Variants in PHTF2 observed in about 807,000 individuals in gnomAD.
PHTF2 encodes the protein putative homeodomain transcription factor 2.
Under a neutral mutation model 101.2 loss-of-function variants are expected in PHTF2, and 60 were observed. The ratio of observed to expected loss-of-function variants is 0.59; its 90% confidence interval spans 0.48 to 0.73. PHTF2 has a LOEUF of 0.73. PHTF2 is among the 30% of genes least tolerant of loss of function. The pLI, the probability that PHTF2 is intolerant of heterozygous loss-of-function variation, is 0.00. For synonymous variants in PHTF2, 311 were observed against 307.3 expected (o/e 1.01, Z -0.13); for missense variants, 747 against 908.7 (o/e 0.82, Z 2.29).
chr7:77,888,138 G>A (rs926804711), intron 3 of PHTF2, among the ~76,000 whole-genome samples: 31 of 150,928 alleles, frequency 2.1e-4, no homozygotes, highest in African/African-American at 3.2e-4. Context: ...TTTTTGAGAC[G>A]GAGTTTCACT....
intron 1 of PHTF2, among the ~76,000 whole-genome samples, chr7:77,833,502 C>G (rs1023502082): frequency 5.3e-5 from 8 of 152,118 alleles, no homozygotes; most frequent in African/African-American, 1.7e-4. Context: ...TGGCTCACAC[C>G]TGTAATCCCA....
At chr7:77,810,071 T>C (rs755024927) in intron 1 of PHTF2, among the ~76,000 whole-genome samples, 2 of 152,192 alleles carry the variant, frequency 1.3e-5, no homozygotes, top group Non-Finnish European at 2.9e-5. Flanking sequence ...TGATGTAATT[T>C]TAGATTTTAA....
At chr7:77,949,510 T>TA (rs1442468625) in intron 16 of PHTF2, among the ~76,000 whole-genome samples, 168 bp from the exon 16 acceptor site, 2 of 152,170 alleles carry the variant, frequency 1.3e-5, no homozygotes, top group Non-Finnish European at 2.9e-5. Flanking sequence ...CCATGGATAT[T>TA]AATTACCTTA....
rs140206132 is a variant in PHTF2, at chr7:77,955,607, G to A, written c.*729G>A. 135 of 152,604 alleles carry A rather than the reference G, an allele frequency of 8.8e-4. 1 individual carries two copies. Among genetic ancestry groups the A allele is most frequent in the African/African-American group, 2.9e-3 (121 of 41,518 alleles). 9.5% of individuals were successfully genotyped at this position (152,604 alleles called of 1,614,324 possible). On this transcript the variant is annotated 3_prime_UTR_variant, in exon 20 of 20. Coordinates refer to ENST00000416283, the Ensembl canonical transcript of PHTF2. ...CTCAAAATGTGCACTTTTTAAAATTGTTACTTTTAATGCGTATCTTTATAT... is the reference window on the plus strand; with the variant it reads ...CTCAAAATGTGCACTTTTTAAAATTATTACTTTTAATGCGTATCTTTATAT...
chr7:77,870,895 A>G (rs1798461516), intron 3 of PHTF2, among the ~76,000 whole-genome samples: 1 of 152,230 alleles, frequency 6.6e-6, no homozygotes, highest in African/African-American at 2.4e-5. Context: ...AAGTCAATAA[A>G]TCTTTATATC....
In PHTF2 at chr7:77,866,819, G is replaced by A. The variant is rs959613683; in HGVS notation, c.147+11985G>A. Among the ~76,000 whole-genome samples the A allele has an allele frequency of 2.0e-5, 3 of 152,266 alleles. No homozygotes were observed. The East Asian group carries it at 5.8e-4, about 29-fold the overall frequency. ...TAAACTATTAGAAATATGTAAACAA[G>A]GATGGTGCTGTAGCCTTGATTTATA... On this transcript the variant is annotated intron_variant, in intron 3 of 19. Transcript: ENST00000416283.
chr7:77,910,610 C>T (rs941365063), intron 9 of PHTF2, among the ~76,000 whole-genome samples: 23 of 151,826 alleles, frequency 1.5e-4, no homozygotes, highest in Admixed American at 8.5e-4. Flanking sequence ...TACATCTATA[C>T]GAGAATGAAT....
chr7:77,808,075 T>C (rs976270505), intron 1 of PHTF2, among the ~76,000 whole-genome samples: 3 of 152,216 alleles, frequency 2.0e-5, no homozygotes, highest in Non-Finnish European at 2.9e-5. Flanking sequence ...CACACTGTTA[T>C]GATTACTGCT....
chr7:77,806,111 T>G (rs2150470926), intron 1 of PHTF2, among the ~76,000 whole-genome samples: 1 of 149,836 alleles, frequency 6.7e-6, no homozygotes, highest in Non-Finnish European at 1.5e-5. Context: ...GGAGGGGAGG[T>G]GGAGGTTGCA....
chr7:77,891,883 C>T (rs2204574), intron 3 of PHTF2, among the ~76,000 whole-genome samples: 22 of 152,128 alleles, frequency 1.4e-4, no homozygotes, highest in Non-Finnish European at 2.6e-4. Context: ...ACTCTGCACT[C>T]AGCCATAATA....
intron 7 of PHTF2, 129 bp downstream of exon 6, chr7:77,902,049 T>C (rs544951429): frequency 2.3e-6 from 1 of 429,312 alleles, no homozygotes; most frequent in Non-Finnish European, 4.1e-6. Context: ...AGGCACATAA[T>C]TGATTTGGTA....
intron 1 of PHTF2, among the ~76,000 whole-genome samples, chr7:77,816,629 A>G (rs762725735): frequency 5.3e-5 from 8 of 152,198 alleles, no homozygotes; most frequent in South Asian, 2.1e-4. Context: ...ATTGTTAACT[A>G]TAGTCATCCA....
At chr7:77,927,379 T>C (rs1344900541) in intron 11 of PHTF2, among the ~76,000 whole-genome samples, 1 of 151,920 alleles carries the variant, frequency 6.6e-6, no homozygotes, top group South Asian at 2.1e-4. Flanking sequence ...GTGGATCACC[T>C]GAGGTCAGGA....
At chr7:77,825,805 A>G (rs560138471) in intron 1 of PHTF2, among the ~76,000 whole-genome samples, 1 of 152,188 alleles carries the variant, frequency 6.6e-6, no homozygotes, top group Non-Finnish European at 1.5e-5. Context: ...CAGTTTCTGT[A>G]TTAAACGTGA....
At chr7:77,874,079 T>G (rs987854015) in intron 3 of PHTF2, among the ~76,000 whole-genome samples, 1 of 152,218 alleles carries the variant, frequency 6.6e-6, no homozygotes, top group East Asian at 1.9e-4. Context: ...ATTATGTTCC[T>G]TGGTTCTCCA....
At chr7:77,890,069 C>T (rs1800248076) in intron 3 of PHTF2, among the ~76,000 whole-genome samples, 1 of 151,344 alleles carries the variant, frequency 6.6e-6, no homozygotes. Flanking sequence ...AAAAGTTGCC[C>T]TTCCTCTCAC....
chr7:77,927,157 C>CAAAAAAAAAAA (rs869210694), intron 11 of PHTF2, among the ~76,000 whole-genome samples: 1 of 36,532 alleles, frequency 2.7e-5, no homozygotes, highest in Admixed American at 4.9e-4. Context: ...GACTCCATCT[C>CAAAAAAAAAAA]AAAAAAAAAA....
chr7:77,846,077 C>T (rs188678339), intron 2 of PHTF2, among the ~76,000 whole-genome samples: 37 of 152,262 alleles, frequency 2.4e-4, no homozygotes, highest in Non-Finnish European at 4.7e-4. Flanking sequence ...CTTTTAGCTC[C>T]TTGAGAAGAA....
At chr7:77,929,418 A>G (rs1804360604) in intron 12 of PHTF2, 91 bp downstream of exon 11, 1 of 649,536 alleles carries the variant, frequency 1.5e-6, no homozygotes. Context: ...AAAAGCTTAC[A>G]TTCAAGCTTA....
Sources: allele counts gnomAD v4.1 joint callset (sites outside exome capture counted in the v4.1 genomes callset), GRCh38; gene constraint gnomAD v4.1.1; transcripts MANE v1.5; gene names NCBI Gene and HGNC (gene_info 2026-07-23, HGNC 2026-07-21).